The following ALDH5A1 variants were observed in gnomAD, a reference collection of about 807,000 sequenced individuals.
ALDH5A1 encodes the protein succinate-semialdehyde dehydrogenase, mitochondrial.
ALDH5A1 carries 33 observed loss-of-function variants against 54.7 expected under a neutral mutation model. The ratio of observed to expected loss-of-function variants is 0.60; its 90% CI spans 0.46 to 0.81. The LOEUF is 0.81. ALDH5A1 is among the 30% of genes least tolerant of loss of function. ALDH5A1 has a pLI of 0.00. For missense variants in ALDH5A1, 657 were observed against 711.0 expected (o/e 0.92, Z 0.86); for synonymous variants, 294 against 292.7 (o/e 1.00, Z -0.05).
intron 8 of ALDH5A1, among the ~76,000 whole-genome samples, chr6:24,530,740 C>T (rs1394335414): frequency 6.6e-6 from 1 of 152,248 alleles, no homozygotes; most frequent in African/African-American, 2.4e-5. Context: ...ATTGCCTACA[C>T]TTGTTTCCCA....
intron 6 of ALDH5A1, among the ~76,000 whole-genome samples, chr6:24,522,283 G>A (rs1247496406): frequency 6.6e-6 from 1 of 152,154 alleles, no homozygotes; most frequent in East Asian, 1.9e-4. Flanking sequence ...TCCAGCCTGG[G>A]CGACAGAGCG....
intron 7 of ALDH5A1, among the ~76,000 whole-genome samples, chr6:24,525,437 G>A (rs1275808362): frequency 2.6e-5 from 4 of 151,712 alleles, no homozygotes; most frequent in African/African-American, 4.8e-5. Flanking sequence ...AGTGGCTCAC[G>A]CCTATAATCC....
rs984298109 is a variant in ALDH5A1, at chr6:24,534,805, G to A, written c.*1093G>A. On this transcript the variant is annotated 3_prime_UTR_variant, in exon 10 of 10. Coordinates refer to ENST00000357578, the MANE Select transcript of ALDH5A1 (RefSeq NM_001080.3). ...ACCTGAGCCTGTTCTTTCTGTCCTG[G>A]TGTGGTGCTGCTCCCTCACCTCCAA... 1 of 152,250 alleles carries A rather than the reference G, an allele frequency of 6.6e-6. No individual in the cohort carries two copies. The highest frequency in any genetic ancestry group is 1.5e-5 in the Non-Finnish European group (1 of 68,092). 9.4% of individuals were successfully genotyped at this position (152,250 alleles called of 1,614,324 possible).
At chr6:24,523,759 C>T (rs1159792201) in intron 7 of ALDH5A1, among the ~76,000 whole-genome samples, 1 of 152,104 alleles carries the variant, frequency 6.6e-6, no homozygotes, top group Non-Finnish European at 1.5e-5. Context: ...TAAAACAGTC[C>T]TTCATGAAAG....
At chr6:24,512,805 T>G (rs568112156) in intron 4 of ALDH5A1, among the ~76,000 whole-genome samples, 17 of 152,336 alleles carry the variant, frequency 1.1e-4, no homozygotes, top group African/African-American at 4.1e-4. Flanking sequence ...TTCTCCTTCC[T>G]CAGCCCTCCA....
At chr6:24,522,532 G>C in intron 6 of ALDH5A1, 1 of 383,334 alleles carries the variant, frequency 2.6e-6, no homozygotes, top group Non-Finnish European at 5.0e-6. Flanking sequence ...ACTAATCACT[G>C]ATGCATAGCA....
At chr6:24,522,533 A>G in intron 6 of ALDH5A1, 2 of 389,530 alleles carry the variant, frequency 5.1e-6, no homozygotes, top group East Asian at 4.9e-5. Flanking sequence ...CTAATCACTG[A>G]TGCATAGCAG....
At chr6:24,511,458 A>C (rs1458008118) in intron 4 of ALDH5A1, among the ~76,000 whole-genome samples, 1 of 152,188 alleles carries the variant, frequency 6.6e-6, no homozygotes, top group African/African-American at 2.4e-5. Flanking sequence ...AACACGTATT[A>C]TTCTTAGGTT....
chr6:24,515,102 C>CTTTTTTTTTTTTTTTTT lies in ALDH5A1; in HGVS notation c.727-62_727-46dup, dbSNP rs4646842. ...TTAAGTATCTATTTATTTCTCTTTT[C>CTTTTTTTTTTTTTTTTT]TTTTTTTTTTTTTTTTTTTCAGTTT... is the stretch of plus-strand genomic sequence containing the variant. On this transcript the variant is annotated intron_variant, in intron 4 of 9. Transcript: ENST00000357578. 4.8e-4 allele frequency: 447 copies of CTTTTTTTTTTTTTTTTT among 931,838 alleles called. 2 individuals carry two copies. The highest frequency in any genetic ancestry group is 1.2e-3 in the East Asian group (34 of 28,890). 57.7% of individuals were successfully genotyped at this position (931,838 alleles called of 1,614,324 possible).
intron 4 of ALDH5A1, chr6:24,511,836 C>A: frequency 1.8e-6 from 1 of 546,958 alleles, no homozygotes; most frequent in South Asian, 3.0e-5. Context: ...TCAGGTAAAT[C>A]AGGGATTTCT....
chr6:24,495,844 C>G (rs991164130), intron 1 of ALDH5A1, among the ~76,000 whole-genome samples: 3 of 152,174 alleles, frequency 2.0e-5, no homozygotes, highest in African/African-American at 7.2e-5. Context: ...ACGGAGAGAA[C>G]TGTAGAAAGA....
chr6:24,532,843 A>T (rs1759961222), intron 9 of ALDH5A1, among the ~76,000 whole-genome samples: 1 of 152,174 alleles, frequency 6.6e-6, no homozygotes, highest in East Asian at 1.9e-4. Flanking sequence ...CCTTAGAGTT[A>T]TCGTAAAGCT....
At position 24,498,816 on chromosome 6, in the gene ALDH5A1, T is replaced by C. The variant is rs551725813; in HGVS notation, c.354+3466T>C. 1.6e-4 allele frequency among the ~76,000 whole-genome samples: 24 copies of C among 151,672 alleles called. No homozygotes were observed. The South Asian group carries it at 4.8e-3, about 30-fold the overall frequency. Reference sequence around the variant, plus strand: ...CTGTCTCTACTAAAAATACAAAAATTGGCCAGACACGGTGGCTCACACTTG... The same window carrying C: ...CTGTCTCTACTAAAAATACAAAAATCGGCCAGACACGGTGGCTCACACTTG... On this transcript the variant is annotated intron_variant, in intron 1 of 9. Transcript: ENST00000357578.
In ALDH5A1 at chr6:24,534,188, G is replaced by A. The variant is rs1266718073; in HGVS notation, c.*476G>A. 1 of 177,840 alleles carries A rather than the reference G, an allele frequency of 5.6e-6. No individual in the cohort carries two copies. The highest frequency in any genetic ancestry group is 1.2e-5 in the Non-Finnish European group (1 of 82,010). The allele number at this position is 177,840 out of a possible 1,614,324, so 11.0% of individuals were successfully genotyped here. A position where few individuals can be genotyped will look rare whatever the true frequency, so the allele number is the denominator to read the frequency against. ...CCCCGGCATCTGCCAGCTCAGCACA[G>A]AAGACACCGAATGTGCATCTGGAGG... On this transcript the variant is annotated 3_prime_UTR_variant, in exon 10 of 10. Transcript: ENST00000357578.
At chr6:24,533,410 G>A in intron 9 of ALDH5A1, 97 bp from the exon 10 acceptor site, 1 of 1,311,048 alleles carries the variant, frequency 7.6e-7, no homozygotes, top group Non-Finnish European at 1.1e-6. Context: ...AGGCCCAAGT[G>A]GCTGGACAAA....
intron 8 of ALDH5A1, 77 bp downstream of exon 8, chr6:24,528,243 G>C: frequency 6.4e-7 from 1 of 1,566,028 alleles, no homozygotes; most frequent in Non-Finnish European, 8.7e-7. Context: ...AGATTCCTGG[G>C]CTGCTTTGAG....
chr6:24,511,928 T>C, intron 4 of ALDH5A1: 1 of 559,514 alleles, frequency 1.8e-6, no homozygotes, highest in Admixed American at 2.7e-5. Context: ...ATTATCAGAG[T>C]TGGCTTTCTG....
At chr6:24,512,055 G>C (rs1440629092) in intron 4 of ALDH5A1, among the ~76,000 whole-genome samples, 1 of 152,130 alleles carries the variant, frequency 6.6e-6, no homozygotes, top group Non-Finnish European at 1.5e-5. Flanking sequence ...CCTTTTCCTA[G>C]GGATGTGGCT....
intron 4 of ALDH5A1, among the ~76,000 whole-genome samples, chr6:24,508,233 C>T (rs555031826): frequency 9.0e-4 from 136 of 151,656 alleles, no homozygotes; most frequent in African/African-American, 3.2e-3. Context: ...CATGGTGGCA[C>T]GCACCTGTAG....
Sources: gnomAD v4.1 joint callset for allele counts (sites outside exome capture counted in the v4.1 genomes callset) on GRCh38, gnomAD v4.1.1 for gene constraint, MANE v1.5 for transcripts, NCBI Gene and HGNC (gene_info 2026-07-23, HGNC 2026-07-21) for gene names.